AXDND1: variants seen among roughly 807,000 people sequenced by gnomAD.
The protein encoded by AXDND1 is axonemal dynein light chain domain-containing protein 1.
A neutral mutation model predicts 137.5 loss-of-function variants in AXDND1; 110 were observed. The ratio of observed to expected loss-of-function variants is 0.80; its 90% CI spans 0.69 to 0.94. AXDND1 has a LOEUF of 0.94. Ranked by LOEUF, AXDND1 falls within the 40% of genes least tolerant of loss-of-function variation. The pLI, the probability that AXDND1 is intolerant of heterozygous loss-of-function variation, is 0.00. For synonymous variants in AXDND1, 414 were observed against 399.7 expected, an observed-to-expected ratio of 1.04 and a Z score of -0.43; for missense variants, 1,191 against 1,169.8, an observed-to-expected ratio of 1.02 and a Z score of -0.26.
intron 3 of AXDND1, among the ~76,000 whole-genome samples, chr1:179,369,561 A>G (rs1410865925): frequency 4.6e-5 from 7 of 152,108 alleles, no homozygotes; most frequent in Non-Finnish European, 1.0e-4. Context: ...CTGAGGCAGG[A>G]GAATCACTTG....
chr1:179,385,357 C>T lies in AXDND1; in HGVS notation c.861C>T (p.Val287=). 2 of 1,613,962 alleles carry T rather than the reference C, an allele frequency of 1.2e-6. No homozygotes were observed. The highest frequency in any genetic ancestry group is 1.7e-6 in the Non-Finnish European group (2 of 1,179,956). The change falls in exon 9 of 26, where the codon GTC becomes GTT. Residue 287 remains valine, a splice_region_variant and synonymous_variant. Coordinates refer to ENST00000367618, the MANE Select transcript of AXDND1 (RefSeq NM_144696.6). The part of the protein sequence containing the change: ...CADRGELLSK[V]RERYVQMLDQ... ...ACAGAGGAGAACTTCTGTCTAAAGT[C>T]AGGTTAGTGCTGTTATTGGAATGGT...
At chr1:179,535,998 C>T (rs1187166867) in intron 25 of AXDND1, among the ~76,000 whole-genome samples, 2 of 152,168 alleles carry the variant, frequency 1.3e-5, no homozygotes, top group Non-Finnish European at 2.9e-5. Context: ...TTTCATGTGT[C>T]TGTTGGCTGC....
intron 17 of AXDND1, among the ~76,000 whole-genome samples, chr1:179,482,083 A>T (rs1425964321): frequency 7.0e-6 from 1 of 141,918 alleles, no homozygotes; most frequent in South Asian, 2.4e-4. Flanking sequence ...TTGGGACAAG[A>T]TTAGGAGCTT....
chr1:179,449,147 A>G (rs1312018147), intron 16 of AXDND1: 2 of 454,238 alleles, frequency 4.4e-6, no homozygotes, highest in South Asian at 3.1e-5. Context: ...CAGCCCCCCA[A>G]AGTGCTGGAA....
chr1:179,416,112 C>T (rs1014920465), intron 12 of AXDND1, among the ~76,000 whole-genome samples: 1 of 152,130 alleles, frequency 6.6e-6, no homozygotes, highest in Admixed American at 6.6e-5. Context: ...CCTTCCTGGC[C>T]TCTGGTAACC....
At chr1:179,529,287 A>G (rs982406258) in intron 23 of AXDND1, among the ~76,000 whole-genome samples, 3 of 152,236 alleles carry the variant, frequency 2.0e-5, no homozygotes, top group Admixed American at 6.5e-5. Context: ...TGGGGGATCA[A>G]TAGATTTTGT....
intron 25 of AXDND1, among the ~76,000 whole-genome samples, chr1:179,542,960 A>T (rs1013209480): frequency 6.6e-6 from 1 of 152,212 alleles, no homozygotes; most frequent in Admixed American, 6.5e-5. Flanking sequence ...TGTGCCCTGC[A>T]AGGGACCTAA....
Position 179,429,583 on chromosome 1 carries a change from A to G in AXDND1, c.1296A>G (p.Lys432=). Residue 432 remains lysine, a synonymous_variant, in exon 13 of 26, where the codon AAA becomes AAG. Transcript: ENST00000367618. Reference sequence around the variant, plus strand: ...ACCTTAATGAAAAAGGCTGGAATAAATACACTAAGCATTTCATCATACTGC... The same window carrying G: ...ACCTTAATGAAAAAGGCTGGAATAAGTACACTAAGCATTTCATCATACTGC... ...RLYLNEKGWN[K]YTKHFIILLS... The G allele has an allele frequency of 6.3e-7, 1 of 1,578,490 alleles. No individual in the cohort carries two copies. The highest frequency in any genetic ancestry group is 8.6e-7 in the Non-Finnish European group (1 of 1,166,024).
chr1:179,494,196 C>T (rs1194773176), intron 20 of AXDND1, among the ~76,000 whole-genome samples: 1 of 152,198 alleles, frequency 6.6e-6, no homozygotes, highest in Non-Finnish European at 1.5e-5. Context: ...AAGTGATCCG[C>T]CCTCCTCAGC....
At chr1:179,450,897 C>G (rs1308466857) in intron 16 of AXDND1, 1 of 152,214 alleles carries the variant, frequency 6.6e-6, no homozygotes, top group Non-Finnish European at 1.5e-5. Flanking sequence ...TTACTCCAGC[C>G]TGGGTGACAG....
chr1:179,447,560 G>C, intron 16 of AXDND1: 1 of 891,342 alleles, frequency 1.1e-6, no homozygotes. Flanking sequence ...TAAAATACAT[G>C]TTTTAAAGAA....
chr1:179,406,224 T>C (rs1652940008), intron 11 of AXDND1, among the ~76,000 whole-genome samples: 1 of 152,194 alleles, frequency 6.6e-6, no homozygotes, highest in Non-Finnish European at 1.5e-5. Context: ...AGAAGATACT[T>C]GATATGTTTC....
intron 9 of AXDND1, among the ~76,000 whole-genome samples, chr1:179,391,344 C>T (rs373234612): frequency 6.4e-4 from 97 of 151,678 alleles, no homozygotes; most frequent in African/African-American, 2.1e-3. Context: ...TTGGTGTACT[C>T]GTGGTATGGT....
At chr1:179,479,362 C>G (rs1031513009) in intron 17 of AXDND1, among the ~76,000 whole-genome samples, 4 of 151,592 alleles carry the variant, frequency 2.6e-5, no homozygotes, top group African/African-American at 9.7e-5. Context: ...GTAATCCCAG[C>G]TACTTGGGAG....
At chr1:179,516,866 GGTGAAACAGTTC>G (rs1669587784) in intron 21 of AXDND1, among the ~76,000 whole-genome samples, 1 of 152,166 alleles carries the variant, frequency 6.6e-6, no homozygotes, top group East Asian at 1.9e-4. Flanking sequence ...TGGCAGCGGG[GGTGAAACAGTTC>G]GTGAGGGTTC....
chr1:179,367,884 A>C (rs914375007), intron 2 of AXDND1, among the ~76,000 whole-genome samples: 1 of 152,132 alleles, frequency 6.6e-6, no homozygotes, highest in African/African-American at 2.4e-5. Flanking sequence ...TCTGTACTAG[A>C]GTCAGCTAGT....
rs1355762043 is a variant in AXDND1, at chr1:179,411,236, G to A, written c.1200G>A (p.Trp400Ter). The A allele has an allele frequency of 6.2e-7, 1 of 1,612,416 alleles. No individual in the cohort carries two copies. Among genetic ancestry groups the A allele is most frequent in the Admixed American group, 1.7e-5 (1 of 59,656 alleles). Residue 400 changes from tryptophan (W) to a stop codon, truncating the protein, a stop_gained, in exon 12 of 26, where the codon TGG becomes TGA. Coordinates refer to ENST00000367618, the MANE Select transcript of AXDND1 (RefSeq NM_144696.6). LOFTEE classifies it high-confidence loss of function. Reference sequence around the variant, plus strand: ...AGTTAGTGGCAGAAAGAGATATCTGGAGCTCAGCCACATATGAATTGGCCC... The same window carrying A: ...AGTTAGTGGCAGAAAGAGATATCTGAAGCTCAGCCACATATGAATTGGCCC... ...MKKLVAERDI[W>*]SSATYELALK... is the part of the protein sequence containing the mutation.
intron 12 of AXDND1, among the ~76,000 whole-genome samples, chr1:179,412,682 ATTTCTGCT>A (rs1412871735): frequency 6.6e-6 from 1 of 152,202 alleles, no homozygotes; most frequent in Non-Finnish European, 1.5e-5. Flanking sequence ...AGGAGAAAGG[ATTTCTGCT>A]ATCACTGGAG....
intron 23 of AXDND1, among the ~76,000 whole-genome samples, chr1:179,528,726 G>A (rs896996643): frequency 6.8e-6 from 1 of 147,822 alleles, no homozygotes; most frequent in Non-Finnish European, 1.5e-5. Context: ...GGAGTAGCTG[G>A]GATTACAGGT....
Sources: allele counts gnomAD v4.1 joint callset (sites outside exome capture counted in the v4.1 genomes callset), GRCh38; gene constraint gnomAD v4.1.1; transcripts MANE v1.5; gene names NCBI Gene and HGNC (gene_info 2026-07-23, HGNC 2026-07-21).